Variants in ROBO1 observed in about 807,000 individuals in gnomAD.
ROBO1 encodes the protein roundabout guidance receptor 1, also known as roundabout homolog 1.
ROBO1 carries 149 observed loss-of-function variants against 195.9 expected under a neutral mutation model. The ratio of observed to expected loss-of-function variants is 0.76; its 90% CI spans 0.67 to 0.87. The LOEUF (loss-of-function observed/expected upper bound fraction) is 0.87, where lower values mean the gene tolerates loss of function less well. ROBO1 is among the 40% of genes least tolerant of loss of function. The pLI is 0.00. For synonymous variants in ROBO1, 816 were observed against 733.2 expected (o/e 1.11, Z -1.82); for missense variants, 1,933 against 2,068.3 (o/e 0.93, Z 1.27).
At chr3:79,086,713 C>G (rs1349090891) in intron 3 of ROBO1, among the ~76,000 whole-genome samples, 1 of 152,112 alleles carries the variant, frequency 6.6e-6, no homozygotes, top group Non-Finnish European at 1.5e-5. Flanking sequence ...GAATCAGACT[C>G]CCCCGCTCCC....
chr3:79,594,117 C>A (rs1007143122), intron 1 of ROBO1, among the ~76,000 whole-genome samples: 1 of 151,874 alleles, frequency 6.6e-6, no homozygotes, highest in Non-Finnish European at 1.5e-5. Context: ...CTTTAAGAAT[C>A]CTCTCAACAA....
chr3:78,902,836 C>A (rs1027204562), intron 4 of ROBO1, among the ~76,000 whole-genome samples: 1 of 152,118 alleles, frequency 6.6e-6, no homozygotes, highest in African/African-American at 2.4e-5. Flanking sequence ...AAAGGCGAAA[C>A]TCCACCTCAA....
At chr3:79,744,324 T>G (rs1371981681) in intron 1 of ROBO1, among the ~76,000 whole-genome samples, 2 of 152,186 alleles carry the variant, frequency 1.3e-5, no homozygotes, top group African/African-American at 2.4e-5. Flanking sequence ...TAGGAGTTAG[T>G]GTCTGCGTGA....
chr3:78,818,763 C>G (rs2030479281), intron 4 of ROBO1, among the ~76,000 whole-genome samples: 1 of 152,166 alleles, frequency 6.6e-6, no homozygotes, highest in African/African-American at 2.4e-5. Flanking sequence ...TCGTCCTGTT[C>G]AACTCTCTTT....
chr3:78,681,630 C>T (rs1379910093), intron 10 of ROBO1, among the ~76,000 whole-genome samples: 2 of 152,046 alleles, frequency 1.3e-5, no homozygotes, highest in Non-Finnish European at 2.9e-5. Flanking sequence ...AGCAGCCAGG[C>T]GCGGTGGCTC....
At chr3:78,731,638 A>G (rs1195043917) in intron 5 of ROBO1, among the ~76,000 whole-genome samples, 2 of 152,142 alleles carry the variant, frequency 1.3e-5, no homozygotes, top group African/African-American at 4.8e-5. Flanking sequence ...TCTGAAAAAA[A>G]ATGCTGAATA....
chr3:79,579,466 A>G (rs974018815), intron 2 of ROBO1, among the ~76,000 whole-genome samples: 1 of 152,206 alleles, frequency 6.6e-6, no homozygotes, highest in Non-Finnish European at 1.5e-5. Flanking sequence ...GTTGCTTGTC[A>G]TCTACCAAAC....
chr3:79,382,497 A>T (rs1172358627), intron 2 of ROBO1, among the ~76,000 whole-genome samples: 1 of 152,176 alleles, frequency 6.6e-6, no homozygotes, highest in African/African-American at 2.4e-5. Context: ...TTACATTATA[A>T]TAGATGCTGC....
At chr3:79,607,262 C>G (rs966655239) in intron 1 of ROBO1, among the ~76,000 whole-genome samples, 6 of 151,108 alleles carry the variant, frequency 4.0e-5, no homozygotes, top group African/African-American at 1.5e-4. Flanking sequence ...CAACTTTTAT[C>G]TTTGTGAATA....
chr3:78,756,985 G>A (rs1488877030), intron 4 of ROBO1, among the ~76,000 whole-genome samples: 2 of 152,100 alleles, frequency 1.3e-5, no homozygotes, highest in African/African-American at 4.8e-5. Context: ...TCCGCCTTCT[G>A]GGTTCAACTG....
chr3:79,176,729 G>A (rs1054475997), intron 2 of ROBO1, among the ~76,000 whole-genome samples: 2 of 152,108 alleles, frequency 1.3e-5, no homozygotes, highest in African/African-American at 4.8e-5. Context: ...CAAAGGGCTG[G>A]GGTTAGAGGT....
intron 3 of ROBO1, among the ~76,000 whole-genome samples, chr3:79,059,481 C>T (rs1036582664): frequency 2.0e-5 from 3 of 151,928 alleles, no homozygotes; most frequent in South Asian, 2.1e-4. Context: ...GCCTTCATTG[C>T]CATAGCACAT....
intron 4 of ROBO1, among the ~76,000 whole-genome samples, chr3:78,787,256 A>G (rs766228379): frequency 2.6e-5 from 4 of 152,228 alleles, no homozygotes; most frequent in Non-Finnish European, 4.4e-5. Flanking sequence ...AACACTAATC[A>G]GTAATTATAT....
chr3:78,948,613 G>T (rs1424253738), intron 3 of ROBO1, among the ~76,000 whole-genome samples: 1 of 152,156 alleles, frequency 6.6e-6, no homozygotes, highest in African/African-American at 2.4e-5. Context: ...ACAAGACAGG[G>T]ATGCCCTCTC....
chr3:78,915,467 A>G (rs1289683961), intron 4 of ROBO1, among the ~76,000 whole-genome samples: 3 of 152,316 alleles, frequency 2.0e-5, no homozygotes, highest in South Asian at 2.1e-4. Flanking sequence ...GCAGATTAAC[A>G]TAGATTTTTA....
In ROBO1 at chr3:79,689,793, C is replaced by A. The variant is rs565701302; in HGVS notation, c.-51+77959G>T. Among the ~76,000 whole-genome samples the A allele has an allele frequency of 2.6e-5, 4 of 151,970 alleles. No homozygotes were observed. The East Asian group carries it at 7.8e-4, about 30-fold the overall frequency. On this transcript the variant is annotated intron_variant, in intron 1 of 30. Transcript: ENST00000464233. ...GTTATAAAGTCTGGGTTCATGTTTT[C>A]CTGGTTGAAAACACATCTTGGTAGC...
chr3:79,717,113 A>C (rs192179796), intron 1 of ROBO1, among the ~76,000 whole-genome samples: 26 of 151,990 alleles, frequency 1.7e-4, no homozygotes, highest in Non-Finnish European at 3.4e-4. Context: ...ATCTTAAAAA[A>C]TTAGTGTTAG....
intron 4 of ROBO1, among the ~76,000 whole-genome samples, chr3:78,931,710 A>C (rs2039543502): frequency 6.6e-6 from 1 of 152,188 alleles, no homozygotes; most frequent in African/African-American, 2.4e-5. Flanking sequence ...TTATGCCTAT[A>C]ATCACAGCAC....
At chr3:79,211,804 C>T (rs2081969896) in intron 2 of ROBO1, among the ~76,000 whole-genome samples, 2 of 152,082 alleles carry the variant, frequency 1.3e-5, no homozygotes, top group South Asian at 4.1e-4. Context: ...GTAGGGGAGA[C>T]CCTAACCTAG....
Sources: allele counts gnomAD v4.1 joint callset (sites outside exome capture counted in the v4.1 genomes callset), GRCh38; gene constraint gnomAD v4.1.1; transcripts MANE v1.5; gene names NCBI Gene and HGNC (gene_info 2026-07-23, HGNC 2026-07-21).